Variants in WWOX observed in about 807,000 individuals in gnomAD.
The protein encoded by WWOX is WW domain containing oxidoreductase.
In WWOX, 69 loss-of-function variants were observed where a neutral mutation model predicts 46.2. That is an observed-to-expected ratio of 1.49 (90% CI 1.23 to 1.82). WWOX has a LOEUF of 1.82. Among genes scored for constraint, WWOX ranks in the 40% most tolerant of loss-of-function variants. The probability of loss-of-function intolerance (pLI) is 0.00; values close to 1 mark genes in which losing one functional copy is unlikely to be tolerated. For synonymous variants in WWOX, 359 were observed against 202.6 expected (o/e 1.77, Z -6.56); for missense variants, 919 against 542.6 (o/e 1.69, Z -6.89).
At chr16:78,288,173 A>G (rs1459688336) in intron 5 of WWOX, among the ~76,000 whole-genome samples, 2 of 152,086 alleles carry the variant, frequency 1.3e-5, no homozygotes, top group African/African-American at 4.8e-5. Flanking sequence ...AAAAACGGAA[A>G]CACTTTTAAA....
intron 8 of WWOX, among the ~76,000 whole-genome samples, chr16:79,059,218 T>C (rs1228082359): frequency 6.6e-6 from 1 of 152,250 alleles, no homozygotes; most frequent in Middle Eastern, 3.2e-3. Context: ...ATGAATATGC[T>C]ATTACAGTTT....
intron 6 of WWOX, among the ~76,000 whole-genome samples, chr16:78,415,829 C>G (rs1354093511): frequency 6.6e-6 from 1 of 152,190 alleles, no homozygotes; most frequent in African/African-American, 2.4e-5. Flanking sequence ...GCCCCCACCA[C>G]TACCACCTTA....
chr16:79,008,513 G>C (rs1455135336), intron 8 of WWOX, among the ~76,000 whole-genome samples: 4 of 152,160 alleles, frequency 2.6e-5, no homozygotes, highest in Non-Finnish European at 2.9e-5. Flanking sequence ...GGATTCTATA[G>C]GAAATGGAAG....
At chr16:78,555,359 C>G (rs1374018018) in intron 8 of WWOX, among the ~76,000 whole-genome samples, 2 of 152,058 alleles carry the variant, frequency 1.3e-5, no homozygotes, top group Non-Finnish European at 2.9e-5. Context: ...TAATATTGTA[C>G]ATTTGGCACA....
At chr16:79,104,677 G>A (rs1410280146) in intron 8 of WWOX, among the ~76,000 whole-genome samples, 1 of 152,182 alleles carries the variant, frequency 6.6e-6, no homozygotes, top group Non-Finnish European at 1.5e-5. Context: ...AGGTCATGAT[G>A]TGTAATCCCC....
chr16:79,119,637 G>A (rs1360016116), intron 8 of WWOX, among the ~76,000 whole-genome samples: 1 of 152,226 alleles, frequency 6.6e-6, no homozygotes, highest in Non-Finnish European at 1.5e-5. Context: ...CACACACATA[G>A]CAAATGGTCC....
At chr16:78,701,765 C>T (rs898305421) in intron 8 of WWOX, among the ~76,000 whole-genome samples, 1 of 151,870 alleles carries the variant, frequency 6.6e-6, no homozygotes. Flanking sequence ...AAGCAGTGGG[C>T]CCTTGCTCTG....
At chr16:78,291,394 A>G (rs2079854950) in intron 5 of WWOX, among the ~76,000 whole-genome samples, 3 of 152,170 alleles carry the variant, frequency 2.0e-5, no homozygotes, top group African/African-American at 7.2e-5. Context: ...AATTATAATT[A>G]TATTAAAACC....
At chr16:78,757,033 G>C (rs73573725) in intron 8 of WWOX, 3 of 702,752 alleles carry the variant, frequency 4.3e-6, no homozygotes, top group Admixed American at 2.0e-5. Context: ...AACCACGTTC[G>C]AAGTTGATTC....
intron 8 of WWOX, among the ~76,000 whole-genome samples, chr16:78,511,155 G>A (rs141299802): frequency 2.0e-5 from 3 of 152,220 alleles, no homozygotes; most frequent in Non-Finnish European, 2.9e-5. Flanking sequence ...CCTTGCAACC[G>A]CCTGTACAAA....
intron 8 of WWOX, among the ~76,000 whole-genome samples, chr16:78,978,737 A>G (rs1203997918): frequency 1.3e-5 from 2 of 152,126 alleles, no homozygotes; most frequent in Non-Finnish European, 2.9e-5. Context: ...CTTTTCAACC[A>G]CCGAATCGCA....
At chr16:79,063,947 G>T (rs1486590326) in intron 8 of WWOX, among the ~76,000 whole-genome samples, 1 of 152,132 alleles carries the variant, frequency 6.6e-6, no homozygotes, top group Non-Finnish European at 1.5e-5. Flanking sequence ...TAACCAGAAT[G>T]TTGCATGAAT....
At position 78,578,034 on chromosome 16, in the gene WWOX, C is replaced by G. The variant is rs866932616; in HGVS notation, c.1056+145282C>G. Among the ~76,000 whole-genome samples the G allele has an allele frequency of 7.9e-5, 12 of 151,802 alleles. No individual in the cohort carries two copies. The South Asian group carries it at 2.5e-3, about 32-fold the overall frequency. ...AGGAAAAAAGTATACCGCCATTGTT[C>G]TTGTATAAACTTTATAAAATATTTG... On this transcript the variant is annotated intron_variant, in intron 8 of 8. Transcript: ENST00000566780.
In WWOX at chr16:78,108,412, T is replaced by G; in HGVS notation, c.108-11T>G. ...TTTACTTATTACTGTGGATTTTTTG[T>G]TTTTTAACAGTCACACCGAGGAGAA... is the stretch of plus-strand genomic sequence containing the variant. On this transcript the variant is annotated splice_polypyrimidine_tract_variant and intron_variant, in intron 1 of 8. Transcript: ENST00000566780. The G allele has an allele frequency of 6.2e-7, 1 of 1,608,130 alleles. No homozygotes were observed. Among genetic ancestry groups the G allele is most frequent in the Non-Finnish European group, 8.5e-7 (1 of 1,179,104 alleles).
At chr16:78,119,125 A>T (rs2032963723) in intron 4 of WWOX, 1 of 152,232 alleles carries the variant, frequency 6.6e-6, no homozygotes, top group Admixed American at 6.5e-5. Flanking sequence ...AGTAGAGACA[A>T]GGGAGGAATT....
At chr16:78,910,953 A>T (rs906188028) in intron 8 of WWOX, among the ~76,000 whole-genome samples, 2 of 152,088 alleles carry the variant, frequency 1.3e-5, no homozygotes, top group Non-Finnish European at 2.9e-5. Context: ...TCATGTTTAC[A>T]TATTTCAAAA....
rs370303501 is a variant in WWOX, at chr16:79,106,864, G to A, written c.1057-104744G>A. The A allele has an allele frequency of 1.4e-5, 2 of 140,560 alleles. 1 individual carries two copies. The highest frequency in any genetic ancestry group is 4.6e-4 in the South Asian group (2 of 4,334). 8.7% of individuals were successfully genotyped at this position (140,560 alleles called of 1,614,324 possible). A position where few individuals can be genotyped will look rare whatever the true frequency, so the allele number is the denominator to read the frequency against. ...GTTCTTATGCCGAGGCTGGAGTGAA[G>A]TGGCACCATCTCTGCTCACTACAAC... is the stretch of plus-strand genomic sequence containing the variant. On this transcript the variant is annotated intron_variant, in intron 8 of 8. Coordinates refer to ENST00000566780, the MANE Select transcript of WWOX (RefSeq NM_016373.4).
At chr16:78,727,674 A>G (rs1039730473) in intron 8 of WWOX, among the ~76,000 whole-genome samples, 1 of 152,078 alleles carries the variant, frequency 6.6e-6, no homozygotes, top group Admixed American at 6.6e-5. Flanking sequence ...CCTTATGTCA[A>G]GCTTCTTTCA....
intron 8 of WWOX, among the ~76,000 whole-genome samples, chr16:78,511,265 A>G (rs2085353390): frequency 6.6e-6 from 1 of 152,180 alleles, no homozygotes; most frequent in South Asian, 2.1e-4. Context: ...ATTAGTCACC[A>G]TGTCTTTTCC....
Sources: gnomAD v4.1 joint callset for allele counts (sites outside exome capture counted in the v4.1 genomes callset) on GRCh38, gnomAD v4.1.1 for gene constraint, MANE v1.5 for transcripts, NCBI Gene and HGNC (gene_info 2026-07-23, HGNC 2026-07-21) for gene names.